PCAT7: variants seen among roughly 807,000 people sequenced by gnomAD.
PCAT7 encodes prostate cancer associated transcript 7 (non-protein coding).
At chr9:94,565,564 GAC>G (rs1381769800) in intron 2 of PCAT7, among the ~76,000 whole-genome samples, 1 of 152,090 alleles carries the variant, frequency 6.6e-6, no homozygotes, top group Non-Finnish European at 1.5e-5. Context: ...TCTTTCAGCA[GAC>G]ACACAGTGAA....
chr9:94,563,733 CAA>C (rs1491342892), intron 2 of PCAT7, among the ~76,000 whole-genome samples: 1 of 151,706 alleles, frequency 6.6e-6, no homozygotes, highest in Non-Finnish European at 1.5e-5. Flanking sequence ...GCTAAACAAA[CAA>C]AGAAAAAGGA....
intron 2 of PCAT7, chr9:94,570,928 A>G (rs1827262268): frequency 6.6e-6 from 1 of 152,244 alleles, no homozygotes; most frequent in South Asian, 2.1e-4. Flanking sequence ...CTGTAAATCA[A>G]AAACTTAAAT....
intron 2 of PCAT7, chr9:94,567,353 T>C: frequency 6.2e-7 from 1 of 1,614,148 alleles, no homozygotes; most frequent in African/African-American, 1.3e-5. Flanking sequence ...CTGTAAATCT[T>C]TCCTTTCTTC....
chr9:94,572,357 A>G (rs1827278624), intron 2 of PCAT7, among the ~76,000 whole-genome samples: 2 of 151,912 alleles, frequency 1.3e-5, no homozygotes, highest in Non-Finnish European at 2.9e-5. Context: ...GATGGGGTCA[A>G]GGATAGATTC....
At chr9:94,565,494 AT>A (rs1827172684) in intron 2 of PCAT7, among the ~76,000 whole-genome samples, 1 of 152,278 alleles carries the variant, frequency 6.6e-6, no homozygotes, top group Middle Eastern at 3.4e-3. Context: ...CAGGAACACA[AT>A]TTTTATATTT....
chr9:94,570,867 C>G (rs1827261802), intron 2 of PCAT7: 1 of 152,244 alleles, frequency 6.6e-6, no homozygotes, highest in African/African-American at 2.4e-5. Context: ...AATGCTCCAT[C>G]TCCGCTGTCT....
chr9:94,560,720 TATATA>T (rs1379577830), intron 2 of PCAT7, among the ~76,000 whole-genome samples: 5 of 147,954 alleles, frequency 3.4e-5, no homozygotes, highest in African/African-American at 7.4e-5. Flanking sequence ...TATTATATAT[TATATA>T]ATATATATTT....
chr9:94,572,086 C>A (rs1827275765), intron 2 of PCAT7, among the ~76,000 whole-genome samples: 2 of 152,128 alleles, frequency 1.3e-5, no homozygotes, highest in Non-Finnish European at 2.9e-5. Flanking sequence ...GCACAACTCG[C>A]CCAGCAGCAG....
At chr9:94,566,518 A>T (rs1232645276) in intron 2 of PCAT7, among the ~76,000 whole-genome samples, 1 of 152,246 alleles carries the variant, frequency 6.6e-6, no homozygotes, top group Non-Finnish European at 1.5e-5. Flanking sequence ...ATCTATAGAA[A>T]CAATGCTAAT....
chr9:94,563,223 T>C, intron 2 of PCAT7: 2 of 1,167,818 alleles, frequency 1.7e-6, no homozygotes, highest in African/African-American at 1.6e-5. Context: ...TTTCCTCCCC[T>C]GCCCATCCCC....
intron 2 of PCAT7, among the ~76,000 whole-genome samples, chr9:94,560,530 G>A (rs1199761778): frequency 3.3e-5 from 5 of 152,012 alleles, no homozygotes; most frequent in African/African-American, 7.2e-5. Flanking sequence ...TGCAACCTGT[G>A]TAACTTCCCA....
At chr9:94,565,368 C>CA (rs369180827) in intron 2 of PCAT7, among the ~76,000 whole-genome samples, 4,278 of 46,530 alleles carry the variant, frequency 0.092, 285 homozygotes, top group African/African-American at 0.31. Flanking sequence ...GACTCCACCT[C>CA]AAAAAAAAAA....
chr9:94,558,823 G>A, intron 1 of PCAT7: 1 of 966,980 alleles, frequency 1.0e-6, no homozygotes, highest in South Asian at 1.4e-5. Context: ...TTCTGTATGT[G>A]ATTAAGTGGA....
At chr9:94,564,953 CAAAG>C (rs1827163985) in intron 2 of PCAT7, among the ~76,000 whole-genome samples, 1 of 152,034 alleles carries the variant, frequency 6.6e-6, no homozygotes, top group Non-Finnish European at 1.5e-5. Flanking sequence ...GTTCCCAACA[CAAAG>C]AAATAATAAA....
At chr9:94,556,830 T>C (rs1455249419) in intron 1 of PCAT7, among the ~76,000 whole-genome samples, 1 of 152,236 alleles carries the variant, frequency 6.6e-6, no homozygotes, top group Admixed American at 6.5e-5. Flanking sequence ...GGTCCTGCAT[T>C]TAAATCTTTA....
In PCAT7 at chr9:94,565,385, A is replaced by G. The variant is rs72743260; in HGVS notation, n.441+6233A>G. 8.8e-4 allele frequency among the ~76,000 whole-genome samples: 119 copies of G among 134,898 alleles called. 3 individuals carry two copies. Among genetic ancestry groups the G allele is most frequent in the Middle Eastern group, 4.0e-3 (1 of 250 alleles). 88.5% of individuals were successfully genotyped at this position (134,898 alleles called of 152,430 possible). A position where few individuals can be genotyped will look rare whatever the true frequency, so the allele number is the denominator to read the frequency against. On this transcript the variant is annotated intron_variant and non_coding_transcript_variant, in intron 2 of 8. Transcript: ENST00000647389. ...CTCCACCTCAAAAAAAAAAAAAAAA[A>G]AGATGTTCCCAGTGGGGTTTTTGAG... is the stretch of plus-strand genomic sequence containing the variant.
intron 2 of PCAT7, chr9:94,563,297 C>A (rs762626020): frequency 1.0e-5 from 16 of 1,597,850 alleles, no homozygotes; most frequent in African/African-American, 5.4e-5. Context: ...GGAGCTCCCC[C>A]ACCTCCCTGA....
At chr9:94,571,455 T>C (rs747653168) in intron 2 of PCAT7, 2 of 1,607,926 alleles carry the variant, frequency 1.2e-6, no homozygotes, top group Admixed American at 3.4e-5. Context: ...CCATATTCTG[T>C]ACCTACCGGG....
chr9:94,565,858 T>TG (rs762406304), intron 2 of PCAT7, among the ~76,000 whole-genome samples: 1 of 152,030 alleles, frequency 6.6e-6, no homozygotes, highest in Non-Finnish European at 1.5e-5. Context: ...GCTCGTAACT[T>TG]GGGGGAGGAG....
Sources: allele counts gnomAD v4.1 joint callset (sites outside exome capture counted in the v4.1 genomes callset), GRCh38; gene constraint gnomAD v4.1.1; transcripts MANE v1.5; gene names NCBI Gene and HGNC (gene_info 2026-07-23, HGNC 2026-07-21).